Variants in SCGB2B2 observed in about 807,000 individuals in gnomAD.
SCGB2B2 encodes the protein secretoglobin family 2B member 2.
SCGB2B2 carries 11 observed loss-of-function variants against 7.6 expected under a neutral mutation model. The ratio of observed to expected loss-of-function variants is 1.45; its 90% CI spans 0.91 to 2.40. The LOEUF is 2.40. SCGB2B2 is among the 30% of genes most tolerant of loss of function. The probability of loss-of-function intolerance (pLI) is 0.00; values close to 1 mark genes in which losing one functional copy is unlikely to be tolerated. For synonymous variants in SCGB2B2, 50 were observed against 48.6 expected (o/e 1.03, Z -0.12); for missense variants, 104 against 115.4 (o/e 0.90, Z 0.45).
intron 1 of SCGB2B2, among the ~76,000 whole-genome samples, chr19:34,655,724 T>C (rs1600066988): frequency 6.6e-6 from 1 of 151,410 alleles, no homozygotes; most frequent in East Asian, 1.9e-4. Flanking sequence ...CTTATGGCTG[T>C]GCTGTGAGCA....
chr19:34,644,888 C>A (rs1266323048), intron 1 of SCGB2B2, among the ~76,000 whole-genome samples: 5 of 152,150 alleles, frequency 3.3e-5, no homozygotes, highest in Admixed American at 2.6e-4. Context: ...TAACTGAGTG[C>A]CCACTTTGCA....
intron 1 of SCGB2B2, among the ~76,000 whole-genome samples, chr19:34,654,232 TA>T (rs976204269): frequency 1.3e-5 from 2 of 151,148 alleles, no homozygotes; most frequent in Admixed American, 6.6e-5. Context: ...AAAATAAAAT[TA>T]GAATCAACTT....
chr19:34,631,946 C>T (rs938474094), intron 1 of SCGB2B2: 26 of 152,016 alleles, frequency 1.7e-4, no homozygotes, highest in African/African-American at 5.6e-4. Context: ...TAAGGAAGTG[C>T]AGAAATAGAC....
At chr19:34,600,399 G>T (rs1189067684) in intron 1 of SCGB2B2, among the ~76,000 whole-genome samples, 1 of 152,098 alleles carries the variant, frequency 6.6e-6, no homozygotes, top group African/African-American at 2.4e-5. Flanking sequence ...CACATTTGTT[G>T]GGGTTTGTGC....
At chr19:34,614,035 T>A (rs2066004311) in intron 1 of SCGB2B2, among the ~76,000 whole-genome samples, 1 of 152,238 alleles carries the variant, frequency 6.6e-6, no homozygotes, top group African/African-American at 2.4e-5. Flanking sequence ...ACGCTTTTGC[T>A]GTTTTTAGAA....
chr19:34,673,275 GT>G (rs2067845829), intron 1 of SCGB2B2, among the ~76,000 whole-genome samples: 1 of 152,100 alleles, frequency 6.6e-6, no homozygotes, highest in Admixed American at 6.6e-5. Flanking sequence ...TGGCATATTT[GT>G]TTAAATCAGA....
At chr19:34,607,807 A>G (rs189458566) in intron 1 of SCGB2B2, among the ~76,000 whole-genome samples, 189 of 152,344 alleles carry the variant, frequency 1.2e-3, no homozygotes, top group African/African-American at 4.1e-3. Flanking sequence ...TTTTGCAATG[A>G]GTTCTATGAA....
At chr19:34,655,330 C>T (rs928842837) in intron 1 of SCGB2B2, among the ~76,000 whole-genome samples, 1 of 151,248 alleles carries the variant, frequency 6.6e-6, no homozygotes, top group Non-Finnish European at 1.5e-5. Context: ...GTTCTGAAGC[C>T]TGCTACCTGG....
chr19:34,669,730 C>CACACACACACACACACACACACACACAT (rs56942685), intron 1 of SCGB2B2, among the ~76,000 whole-genome samples: 2 of 151,982 alleles, frequency 1.3e-5, no homozygotes, highest in Non-Finnish European at 2.9e-5. Context: ...CACACACACA[C>CACACACACACACACACACACACACACAT]GAAGAGGTGT....
chr19:34,594,849 A>T lies in SCGB2B2; in HGVS notation c.-286T>A, dbSNP rs1216550605. On this transcript the variant is annotated 5_prime_UTR_variant, in exon 2 of 4. Coordinates refer to ENST00000601241, the MANE Select transcript of SCGB2B2 (RefSeq NM_001025591.4). ...TCTGTCCTCCCTGGAGCTCCCTGGG[A>T]TTGGGAGCAGGCTGAACACTGGTGT... 1 of 470,386 alleles carries T rather than the reference A, an allele frequency of 2.1e-6. No homozygotes were observed. The highest frequency in any genetic ancestry group is 4.0e-6 in the Non-Finnish European group (1 of 252,988). 29.1% of individuals were successfully genotyped at this position (470,386 alleles called of 1,614,324 possible). A position where few individuals can be genotyped will look rare whatever the true frequency, so the allele number is the denominator to read the frequency against.
chr19:34,645,140 A>T (rs1258896228), intron 1 of SCGB2B2, among the ~76,000 whole-genome samples: 1 of 152,198 alleles, frequency 6.6e-6, no homozygotes, highest in Non-Finnish European at 1.5e-5. Flanking sequence ...TATCTTCGTG[A>T]AGGGACAATA....
At chr19:34,667,943 C>T (rs10411637) in intron 1 of SCGB2B2, among the ~76,000 whole-genome samples, 15,561 of 152,074 alleles carry the variant, frequency 0.1, 882 homozygotes, top group Middle Eastern at 0.21. Context: ...CCCTGGTCAC[C>T]CTTACCAATC....
intron 1 of SCGB2B2, among the ~76,000 whole-genome samples, chr19:34,643,178 A>G (rs1413807760): frequency 6.6e-6 from 1 of 152,248 alleles, no homozygotes; most frequent in Non-Finnish European, 1.5e-5. Context: ...TCAGTGGGTG[A>G]ATGGATAAAG....
In SCGB2B2 at chr19:34,603,814, A is replaced by C. The variant is rs540729875; in HGVS notation, c.-2031-7220T>G. On this transcript the variant is annotated intron_variant, in intron 1 of 3. Coordinates refer to ENST00000601241, the MANE Select transcript of SCGB2B2 (RefSeq NM_001025591.4). Reference sequence around the variant, plus strand: ...TTATTACTTTTTTTTTTTTTTTTTAACAGATAACGTCTCACTATATTGCCC... The same window carrying C: ...TTATTACTTTTTTTTTTTTTTTTTACCAGATAACGTCTCACTATATTGCCC... 3.9e-3 allele frequency among the ~76,000 whole-genome samples: 187 copies of C among 48,156 alleles called. 1 individual carries two copies. Among genetic ancestry groups the C allele is most frequent in the Admixed American group, 8.6e-3 (29 of 3,370 alleles). 31.6% of individuals were successfully genotyped at this position (48,156 alleles called of 152,430 possible).
At chr19:34,655,468 T>C (rs1192706719) in intron 1 of SCGB2B2, among the ~76,000 whole-genome samples, 7 of 151,128 alleles carry the variant, frequency 4.6e-5, no homozygotes, top group Non-Finnish European at 8.8e-5. Context: ...ACCTAAGACC[T>C]GGATGCCCCC....
chr19:34,636,607 A>T (rs2066686592), intron 1 of SCGB2B2, among the ~76,000 whole-genome samples: 1 of 152,230 alleles, frequency 6.6e-6, no homozygotes, highest in Non-Finnish European at 1.5e-5. Context: ...CAGAGGGAAC[A>T]GTGGAAAGGA....
chr19:34,587,594 C>T (rs2065210170), downstream of SCGB2B2, among the ~76,000 whole-genome samples: 1 of 152,154 alleles, frequency 6.6e-6, no homozygotes, highest in African/African-American at 2.4e-5. Flanking sequence ...AATGGACATT[C>T]TTGCCTTGTT....
intron 1 of SCGB2B2, among the ~76,000 whole-genome samples, chr19:34,625,581 T>G (rs111274635): frequency 6.8e-4 from 103 of 152,226 alleles, no homozygotes; most frequent in Middle Eastern, 3.4e-3. Context: ...GAGGGGCGCC[T>G]GCCATTGCCA....
At chr19:34,612,380 C>T (rs1269235271) in intron 1 of SCGB2B2, among the ~76,000 whole-genome samples, 1 of 152,004 alleles carries the variant, frequency 6.6e-6, no homozygotes, top group African/African-American at 2.4e-5. Context: ...TTTTATTGTA[C>T]ACAGAATAGA....
Sources: allele counts gnomAD v4.1 joint callset (sites outside exome capture counted in the v4.1 genomes callset), GRCh38; gene constraint gnomAD v4.1.1; transcripts MANE v1.5; gene names NCBI Gene and HGNC (gene_info 2026-07-23, HGNC 2026-07-21).